Variants in DGKZ observed in about 807,000 individuals in gnomAD.
The protein encoded by DGKZ is diacylglycerol kinase zeta.
Under a neutral mutation model 142.5 loss-of-function variants are expected in DGKZ, and 45 were observed. The observed-to-expected ratio is 0.32, with a 90% CI of 0.25 to 0.40. The LOEUF (loss-of-function observed/expected upper bound fraction) is 0.40, where lower values mean the gene tolerates loss of function less well. Ranked by LOEUF, DGKZ falls within the 10% of genes least tolerant of loss-of-function variation. The pLI is 1.00. For synonymous variants in DGKZ, 442 were observed against 527.0 expected (o/e 0.84, Z 2.21); for missense variants, 755 against 1,306.5 (o/e 0.58, Z 6.51).
chr11:46,341,062 C>G (rs145568236), intron 1 of DGKZ, among the ~76,000 whole-genome samples: 137 of 152,258 alleles, frequency 9.0e-4, no homozygotes, highest in Non-Finnish European at 1.4e-3. Flanking sequence ...GCAGGAGAAT[C>G]GCTTGAACCT....
At chr11:46,370,410 A>G (rs1473352732) in intron 6 of DGKZ, among the ~76,000 whole-genome samples, 1 of 152,166 alleles carries the variant, frequency 6.6e-6, no homozygotes, top group African/African-American at 2.4e-5. Flanking sequence ...CCCAGTCCAC[A>G]GTTGTTTGGT....
intron 1 of DGKZ, among the ~76,000 whole-genome samples, chr11:46,341,776 T>C (rs1344086219): frequency 2.0e-5 from 3 of 151,836 alleles, no homozygotes; most frequent in Non-Finnish European, 4.4e-5. Flanking sequence ...GCAAAGGGAA[T>C]GGCAGGGGTT....
chr11:46,355,780 C>G (rs1019691799), intron 1 of DGKZ, among the ~76,000 whole-genome samples: 7 of 151,408 alleles, frequency 4.6e-5, no homozygotes, highest in African/African-American at 1.5e-4. Context: ...GAGTTTTGCT[C>G]TTGTTGCCCA....
rs779111870 is a variant in DGKZ at position 46,372,099 on chromosome 11, A to G, written c.856A>G (p.Ile286Val). The change falls in exon 10 of 31, where the codon ATC becomes GTC. Residue 286 changes from isoleucine (I) to valine (V), a missense_variant. Around this residue, in one of 8 missense-constraint regions of DGKZ, gnomAD observed 142 missense variants for 244.4 expected, o/e 0.58. Transcript: ENST00000527911. This position sits in a 1 kb window ranked among gnomAD's most constrained non-coding sequence, Gnocchi z 5.9. ...GGAGGGCCGCTGGAGACCCTTCATC[A>G]TCAGGCCCACCCCCTCCCCGCTCAT... is the stretch of plus-strand genomic sequence containing the variant. 3.5e-5 allele frequency: 57 copies of G among 1,611,294 alleles called. No homozygotes were observed. The highest frequency in any genetic ancestry group is 4.7e-5 in the Non-Finnish European group (56 of 1,179,162).
chr11:46,374,866 G>A (rs762240230), intron 18 of DGKZ, 27 bp downstream of exon 18: 1 of 1,583,568 alleles, frequency 6.3e-7, no homozygotes, highest in Non-Finnish European at 8.6e-7. Flanking sequence ...CGGAGCTGGG[G>A]GGAGCCCTGC....
chr11:46,375,837 G>A lies in DGKZ; in HGVS notation c.1911-14G>A. On this transcript the variant is annotated splice_polypyrimidine_tract_variant and intron_variant, in intron 20 of 30. Coordinates refer to ENST00000527911, the Ensembl canonical transcript of DGKZ. ...GCCCTTGCTGAGCCCCCGCTTGCCG[G>A]CCCTGCCCGACAGCCAGCAGCCGGT... 6.4e-7 allele frequency: 1 copy of A among 1,552,378 alleles called. No homozygotes were observed.
At position 46,372,654 on chromosome 11, in the gene DGKZ, C is replaced by G. The variant is rs924783904; in HGVS notation, c.1048C>G (p.Leu350Val). 6.2e-7 allele frequency: 1 copy of G among 1,613,588 alleles called. No individual in the cohort carries two copies. The highest frequency in any genetic ancestry group is 8.5e-7 in the Non-Finnish European group (1 of 1,179,996). The change falls in exon 12 of 31, where the codon CTG becomes GTG. Residue 350 changes from leucine (L) to valine (V), a missense_variant. Physicochemically the swap from Leu to Val is conservative, Grantham distance 32. This residue lies in a region of DGKZ where 191 missense variants were observed against 472.1 expected (regional missense o/e 0.40). Coordinates refer to ENST00000527911, the Ensembl canonical transcript of DGKZ. This position sits in a 1 kb window ranked among gnomAD's most constrained non-coding sequence, Gnocchi z 5.9. ...CCGCAAAGTGCACAACCTGCGGATC[C>G]TGGCGTGCGGGGGCGACGGCACGGT...
intron 16 of DGKZ, 45 bp from the exon 17 acceptor site, chr11:46,374,559 G>A: frequency 1.2e-6 from 2 of 1,603,660 alleles, no homozygotes; most frequent in Non-Finnish European, 1.7e-6. Flanking sequence ...TGCTGGTGAG[G>A]AAAGATCTCT....
At chr11:46,365,718 T>C (rs956986424) in intron 1 of DGKZ, 18 of 985,330 alleles carry the variant, frequency 1.8e-5, no homozygotes, top group African/African-American at 3.5e-5. Flanking sequence ...GTTTGCTCCA[T>C]GTCCCATGAG....
intron 28 of DGKZ, 31 bp from the exon 29 acceptor site, chr11:46,379,172 G>C: frequency 6.2e-7 from 1 of 1,612,580 alleles, no homozygotes; most frequent in South Asian, 1.1e-5. Flanking sequence ...GGGCTGCCAG[G>C]CCTCTCTGAC....
At chr11:46,374,862 TG>T (rs753663215) in intron 18 of DGKZ, 23 bp downstream of exon 18, 5 of 1,584,040 alleles carry the variant, frequency 3.2e-6, no homozygotes, top group South Asian at 1.1e-5. Flanking sequence ...CTACCGGAGC[TG>T]GGGGGAGCCC....
At chr11:46,361,533 G>A (rs1186554098) in intron 1 of DGKZ, 3 of 690,516 alleles carry the variant, frequency 4.3e-6, no homozygotes, top group South Asian at 6.5e-5. Flanking sequence ...TTTTCATAAC[G>A]GCTGTCTCAG....
At chr11:46,368,018 G>A (rs2136466676) in exon 4 of DGKZ, 2 of 1,614,030 alleles carry the variant, frequency 1.2e-6, no homozygotes, top group Non-Finnish European at 1.7e-6. Flanking sequence ...TCAGTGTCTC[G>A]AAGAAAGTGC....
chr11:46,337,237 C>T (rs1409167989), intron 1 of DGKZ, among the ~76,000 whole-genome samples: 1 of 150,372 alleles, frequency 6.7e-6, no homozygotes, highest in Non-Finnish European at 1.5e-5. Context: ...CAGAGTTAAA[C>T]TCAGTGGCTT....
chr11:46,369,637 G>T (rs1943718351), intron 5 of DGKZ, 87 bp downstream of exon 5: 2 of 1,542,730 alleles, frequency 1.3e-6, no homozygotes, highest in South Asian at 1.1e-5. Context: ...CCACCAGGGG[G>T]CTCGGCTCCC....
intron 1 of DGKZ, among the ~76,000 whole-genome samples, chr11:46,340,372 G>A (rs1350820782): frequency 1.3e-5 from 2 of 152,218 alleles, no homozygotes; most frequent in Admixed American, 6.5e-5. Flanking sequence ...TGGGGGCTTG[G>A]TGTAGTCCAG....
chr11:46,368,917 A>G (rs1049177555), intron 4 of DGKZ: 13 of 169,104 alleles, frequency 7.7e-5, no homozygotes, highest in Non-Finnish European at 1.7e-4. Context: ...CGAGGAAGAA[A>G]GGATGCGGCC....
At chr11:46,374,865 G>T in intron 18 of DGKZ, 26 bp downstream of exon 18, 1 of 1,583,640 alleles carries the variant, frequency 6.3e-7, no homozygotes, top group Non-Finnish European at 8.6e-7. Flanking sequence ...CCGGAGCTGG[G>T]GGGAGCCCTG....
chr11:46,375,830 C>A (rs1944464057), intron 20 of DGKZ, 21 bp from the exon 21 acceptor site: 1 of 1,550,400 alleles, frequency 6.4e-7, no homozygotes, highest in Non-Finnish European at 8.7e-7. Context: ...TGAGCCCCCG[C>A]TTGCCGGCCC....
Sources: allele counts gnomAD v4.1 joint callset (sites outside exome capture counted in the v4.1 genomes callset), GRCh38; gene constraint gnomAD v4.1.1; regional missense constraint gnomAD v4.1.1; non-coding constraint Gnocchi (gnomAD v3.1); transcripts MANE v1.5; gene names NCBI Gene and HGNC (gene_info 2026-07-23, HGNC 2026-07-21).